Variants in ABCA9 observed in about 807,000 individuals in gnomAD.
The protein encoded by ABCA9 is ATP binding cassette subfamily A member 9, also known as ATP-binding cassette sub-family A member 9.
Under a neutral mutation model 205.3 loss-of-function variants are expected in ABCA9, and 183 were observed. That is an observed-to-expected ratio of 0.89 (90% CI 0.79 to 1.01). The LOEUF is 1.01. ABCA9 is among the 50% of genes least tolerant of loss of function. The pLI is 0.00. For missense variants in ABCA9, 1,805 were observed against 1,912.4 expected (o/e 0.94, Z 1.05); for synonymous variants, 651 against 683.3 (o/e 0.95, Z 0.74).
chr17:69,055,061 GA>G (rs1307167138), intron 1 of ABCA9, among the ~76,000 whole-genome samples: 1 of 152,058 alleles, frequency 6.6e-6, no homozygotes, highest in African/African-American at 2.4e-5. Context: ...ACAAAAGGCA[GA>G]AAAAATGTAG....
chr17:68,983,433 C>A (rs1371395659), intron 36 of ABCA9, among the ~76,000 whole-genome samples: 1 of 152,060 alleles, frequency 6.6e-6, no homozygotes, highest in Non-Finnish European at 1.5e-5. Context: ...CTAGAAGGAA[C>A]CCCTGAGATG....
In ABCA9 at chr17:69,035,448, A is replaced by G. The variant is rs2071302019; in HGVS notation, c.943-17T>C. The G allele has an allele frequency of 1.3e-6, 2 of 1,552,610 alleles. No homozygotes were observed. Among genetic ancestry groups the G allele is most frequent in the African/African-American group, 1.4e-5 (1 of 72,306 alleles). ...TAAAGTTATCTGAGAAAAGAGAAAGACTTCAGCTGGTATATAATTCTGTGA... is the reference window on the plus strand; with the variant it reads ...TAAAGTTATCTGAGAAAAGAGAAAGGCTTCAGCTGGTATATAATTCTGTGA... On this transcript the variant is annotated splice_polypyrimidine_tract_variant and intron_variant, in intron 7 of 38. Transcript: ENST00000340001.
chr17:69,033,499 T>G, intron 9 of ABCA9: 1 of 337,728 alleles, frequency 3.0e-6, no homozygotes, highest in Admixed American at 4.7e-5. Context: ...AGTATCATCA[T>G]CCATAATCTC....
At chr17:68,976,221 C>CTT in intron 37 of ABCA9, 31 bp from the exon 38 acceptor site, 1 of 1,589,850 alleles carries the variant, frequency 6.3e-7, no homozygotes, top group African/African-American at 1.4e-5. Context: ...ATTAGGAATT[C>CTT]TATTTTTTTT....
In ABCA9 at chr17:69,029,194, C is replaced by T. The variant is rs375941774; in HGVS notation, c.1479G>A (p.Lys493=). The T allele has an allele frequency of 2.6e-6, 4 of 1,562,434 alleles. No homozygotes were observed. The African/African-American group carries it at 4.1e-5, about 16-fold the overall frequency. ...IKNLKKEYAG[K]CERVEALKGV... is the part of the protein sequence containing the mutation. ...CTTTCAAAGCTTCTACTCTCTCACA[C>T]TTCCCTGCATATTCTTTTTTAAGAT... Residue 493 remains lysine, a synonymous_variant, in exon 11 of 39, where the codon AAG becomes AAA. Transcript: ENST00000340001.
intron 3 of ABCA9, among the ~76,000 whole-genome samples, chr17:69,045,798 C>T (rs2071688736): frequency 6.6e-6 from 1 of 152,140 alleles, no homozygotes. Flanking sequence ...TGAGAACTCA[C>T]TCACTTTCAT....
chr17:69,043,997 T>C (rs2071632098), intron 5 of ABCA9, among the ~76,000 whole-genome samples: 1 of 152,176 alleles, frequency 6.6e-6, no homozygotes, highest in Non-Finnish European at 1.5e-5. Context: ...TATCAGAGTA[T>C]ATCCTGCTTC....
intron 6 of ABCA9, among the ~76,000 whole-genome samples, chr17:69,041,031 T>A (rs1034522446): frequency 3.9e-5 from 6 of 152,214 alleles, no homozygotes; most frequent in Admixed American, 1.3e-4. Context: ...TCTTCAAACT[T>A]CAGTTTTTTC....
chr17:68,977,559 G>C (rs2068924711), intron 37 of ABCA9, among the ~76,000 whole-genome samples: 1 of 152,198 alleles, frequency 6.6e-6, no homozygotes, highest in Non-Finnish European at 1.5e-5. Context: ...CAAATTCGAA[G>C]CAAGTCTGAC....
chr17:68,982,559 T>TA lies in ABCA9; in HGVS notation c.4720+2dup, dbSNP rs2069093294. ...AGTTTTGTCTCTAAACAGTCACTCT[T>TA]ACCTATCTCTAATTTGAAGAAAGCC... On this transcript the variant is annotated splice_region_variant and intron_variant, in intron 37 of 38. Coordinates refer to ENST00000340001, the MANE Select transcript of ABCA9 (RefSeq NM_080283.4). The TA allele has an allele frequency of 1.2e-6, 2 of 1,611,984 alleles. No homozygotes were observed. The highest frequency in any genetic ancestry group is 2.7e-5 in the African/African-American group (2 of 75,008).
chr17:69,072,044 G>GA, the ABCA9 span, among the ~76,000 whole-genome samples: 21 of 152,186 alleles, frequency 1.4e-4, no homozygotes, highest in African/African-American at 5.1e-4. Context: ...CAAGATTAGA[G>GA]AAAAAAGAAT....
intron 27 of ABCA9, 24 bp from the exon 28 acceptor site, chr17:68,992,290 C>A (rs2069477672): frequency 3.7e-6 from 5 of 1,356,294 alleles, no homozygotes; most frequent in Non-Finnish European, 5.1e-6. Context: ...AAGACAATCA[C>A]AATTAGTATC....
At position 69,043,630 on chromosome 17, in the gene ABCA9, C is replaced by G. The variant is rs745793212; in HGVS notation, c.659G>C (p.Gly220Ala). The G allele has an allele frequency of 6.2e-7, 1 of 1,613,526 alleles. No homozygotes were observed. Among genetic ancestry groups the G allele is most frequent in the Non-Finnish European group, 8.5e-7 (1 of 1,179,834 alleles). The change falls in exon 6 of 39, where the codon GGA becomes GCA. Residue 220 changes from glycine to alanine, a missense_variant. Transcript: ENST00000340001. ...MKILPFVAQG[G>A]VATDFFIFFC... ...GAAAATGAAAAAATCAGTTGCAACT[C>G]CTCCTTGGGCAACAAAAGGTAATAT...
rs1395747289 is a variant in ABCA9, at chr17:69,023,243, T to G, written c.2281+971A>C. The G allele has an allele frequency of 1.3e-5, 2 of 152,224 alleles. No homozygotes were observed. Among genetic ancestry groups the G allele is most frequent in the African/African-American group, 4.8e-5 (2 of 41,454 alleles). The allele number at this position is 152,224 out of a possible 1,614,324, so 9.4% of individuals were successfully genotyped here. ...GCTTCTTACACCTGATGAAATACCA[T>G]AGGTTCTGCATGTCAGGTATTGTTC... On this transcript the variant is annotated intron_variant, in intron 17 of 38. Coordinates refer to ENST00000340001, the MANE Select transcript of ABCA9 (RefSeq NM_080283.4). The surrounding 1 kb of genome is among the most constrained non-coding windows in gnomAD (Gnocchi z 4.2).
At chr17:69,018,946 T>G (rs767157724) in intron 19 of ABCA9, among the ~76,000 whole-genome samples, 6 of 152,158 alleles carry the variant, frequency 3.9e-5, no homozygotes, top group Non-Finnish European at 7.4e-5. Context: ...TACTACACTC[T>G]GAACTTTATC....
At chr17:68,982,384 A>G (rs1487295555) in intron 37 of ABCA9, among the ~76,000 whole-genome samples, 178 bp downstream of exon 37, 1 of 152,128 alleles carries the variant, frequency 6.6e-6, no homozygotes. Flanking sequence ...AGAACCCCAA[A>G]TCTTCCCAGA....
rs750844387 is a variant in ABCA9, at chr17:69,008,113, A to G, written c.3270T>C (p.Tyr1090=). 1 of 1,613,322 alleles carries G rather than the reference A, an allele frequency of 6.2e-7. No individual in the cohort carries two copies. Among genetic ancestry groups the G allele is most frequent in the Non-Finnish European group, 8.5e-7 (1 of 1,179,240 alleles). The change falls in exon 24 of 39, where the codon TAT becomes TAC. Residue 1090 remains tyrosine, a synonymous_variant. Transcript: ENST00000340001. ...ATATAATCTCCTCTGGGCTAAAAAT[A>G]TAATCCATTATTTGCATTAGCAGGA... ...LILLLMQIMD[Y]IFSPEEIIFI... is the part of the protein sequence containing the mutation.
At chr17:69,032,051 C>G in intron 10 of ABCA9, 57 bp downstream of exon 10, 1 of 1,516,460 alleles carries the variant, frequency 6.6e-7, no homozygotes, top group Non-Finnish European at 9.0e-7. Context: ...TGTCACCTGA[C>G]AGATCCCCAG....
chr17:69,016,393 G>A lies in ABCA9; in HGVS notation c.2902-3C>T. ...CATGCTATTGAAAATCTGTGATCCT[G>A]AAATACAACAAGTACCAATTCGAAG... On this transcript the variant is annotated splice_polypyrimidine_tract_variant and splice_region_variant and intron_variant, in intron 21 of 38. Coordinates refer to ENST00000340001, the MANE Select transcript of ABCA9 (RefSeq NM_080283.4). 6.4e-7 allele frequency: 1 copy of A among 1,571,234 alleles called. No individual in the cohort carries two copies. The highest frequency in any genetic ancestry group is 8.6e-7 in the Non-Finnish European group (1 of 1,163,912).
Sources: gnomAD v4.1 joint callset for allele counts (sites outside exome capture counted in the v4.1 genomes callset) on GRCh38, gnomAD v4.1.1 for gene constraint, Gnocchi (gnomAD v3.1) non-coding constraint, MANE v1.5 for transcripts, NCBI Gene and HGNC (gene_info 2026-07-23, HGNC 2026-07-21) for gene names.